CATSPERB: variants seen among roughly 807,000 people sequenced by gnomAD.
CATSPERB encodes catsper channel auxiliary subunit beta.
In CATSPERB, 93 loss-of-function variants were observed where a neutral mutation model predicts 128.3. That is an observed-to-expected ratio of 0.72 (90% CI 0.61 to 0.86). CATSPERB has a LOEUF of 0.86. Ranked by LOEUF, CATSPERB falls within the 40% of genes least tolerant of loss-of-function variation. CATSPERB has a pLI of 0.00. For synonymous variants in CATSPERB, 381 were observed against 448.8 expected, an observed-to-expected ratio of 0.85 and a Z score of 1.91; for missense variants, 1,153 against 1,329.5, an observed-to-expected ratio of 0.87 and a Z score of 2.06.
At chr14:91,712,249 C>T (rs545910403) in intron 5 of CATSPERB, among the ~76,000 whole-genome samples, 41 of 152,204 alleles carry the variant, frequency 2.7e-4, no homozygotes, top group Non-Finnish European at 4.3e-4. Flanking sequence ...ACCAATTTCA[C>T]AACAGGCAAA....
At chr14:91,603,081 T>C (rs1387289443) in intron 22 of CATSPERB, 1 of 786,826 alleles carries the variant, frequency 1.3e-6, no homozygotes, top group Non-Finnish European at 2.4e-6. Flanking sequence ...CCTGCTTTTT[T>C]ACATTTATTT....
chr14:91,720,474 G>A (rs191589812), intron 4 of CATSPERB, among the ~76,000 whole-genome samples: 2 of 150,382 alleles, frequency 1.3e-5, no homozygotes, highest in African/African-American at 4.9e-5. Context: ...TATTAAGAAA[G>A]CAATTCCCTT....
chr14:91,671,648 T>C (rs1895090362), intron 13 of CATSPERB, among the ~76,000 whole-genome samples: 1 of 151,952 alleles, frequency 6.6e-6, no homozygotes, highest in African/African-American at 2.4e-5. Flanking sequence ...TTTGCTGTCC[T>C]GAAAACCCAT....
At chr14:91,660,532 T>C (rs942819496) in intron 14 of CATSPERB, among the ~76,000 whole-genome samples, 14 of 152,236 alleles carry the variant, frequency 9.2e-5, no homozygotes, top group African/African-American at 3.4e-4. Context: ...TTAGTTTCTC[T>C]GTTTCCTCAT....
chr14:91,716,119 T>G (rs960374727), intron 5 of CATSPERB, among the ~76,000 whole-genome samples: 1 of 152,136 alleles, frequency 6.6e-6, no homozygotes, highest in Non-Finnish European at 1.5e-5. Flanking sequence ...GAGATACTCT[T>G]AAGAGATGAA....
chr14:91,602,718 C>T (rs1351318669), intron 22 of CATSPERB, among the ~76,000 whole-genome samples: 1 of 152,132 alleles, frequency 6.6e-6, no homozygotes, highest in Non-Finnish European at 1.5e-5. Context: ...TCCAAATGTT[C>T]AGAAGCTGCA....
Position 91,729,440 on chromosome 14 carries a change from T to C in CATSPERB, c.40A>G (p.Asn14Asp). 1 of 1,535,366 alleles carries C rather than the reference T, an allele frequency of 6.5e-7. No homozygotes were observed. The highest frequency in any genetic ancestry group is 9.0e-7 in the Non-Finnish European group (1 of 1,116,882). The change falls in exon 2 of 27, where the codon AAC (asparagine) becomes GAC (aspartate). Residue 14 changes from asparagine (N) to aspartate (D), a missense_variant. Physicochemically the swap from Asn to Asp is conservative, Grantham distance 23 (BLOSUM62 1). Transcript: ENST00000256343. Reference protein sequence around the residue: ...PLIYVSVLLLNIFEFSSGIVY... With the variant: ...PLIYVSVLLLDIFEFSSGIVY... ...ATTCCTGATGAAAATTCAAATATGTTCAAAAGCAAAACTGAAACATATATA... is the reference window on the plus strand; with the variant it reads ...ATTCCTGATGAAAATTCAAATATGTCCAAAAGCAAAACTGAAACATATATA...
At chr14:91,703,430 T>C (rs572384838) in intron 7 of CATSPERB, among the ~76,000 whole-genome samples, 19 of 152,254 alleles carry the variant, frequency 1.2e-4, no homozygotes, top group Non-Finnish European at 2.4e-4. Context: ...CCTTGGAATT[T>C]CCTGGGTGAT....
chr14:91,608,012 C>T (rs78553047), intron 22 of CATSPERB, among the ~76,000 whole-genome samples: 12 of 152,282 alleles, frequency 7.9e-5, no homozygotes, highest in Non-Finnish European at 1.6e-4. Flanking sequence ...CTGGGGGCTC[C>T]TTTCATTCGA....
intron 14 of CATSPERB, among the ~76,000 whole-genome samples, chr14:91,666,283 G>C (rs1487272232): frequency 2.0e-5 from 3 of 152,176 alleles, no homozygotes; most frequent in African/African-American, 7.2e-5. Flanking sequence ...ACGGCTGCGG[G>C]GGTTCCTTGG....
intron 6 of CATSPERB, among the ~76,000 whole-genome samples, chr14:91,705,394 G>A (rs1895718218): frequency 6.6e-6 from 1 of 152,190 alleles, no homozygotes; most frequent in Admixed American, 6.5e-5. Flanking sequence ...TATCATTAGG[G>A]GCCAAGAGAC....
chr14:91,716,721 A>T (rs1310447877), intron 5 of CATSPERB, among the ~76,000 whole-genome samples: 1 of 151,424 alleles, frequency 6.6e-6, no homozygotes, highest in African/African-American at 2.4e-5. Context: ...ATACACACAC[A>T]CACACACACA....
At chr14:91,633,244 C>T (rs893911633) in intron 17 of CATSPERB, among the ~76,000 whole-genome samples, 3 of 152,074 alleles carry the variant, frequency 2.0e-5, no homozygotes, top group Admixed American at 6.6e-5. Context: ...AATTCTCAGG[C>T]CCAGCCAAAA....
chr14:91,581,860 GAGA>G (rs985477678), intron 26 of CATSPERB, among the ~76,000 whole-genome samples: 11 of 152,140 alleles, frequency 7.2e-5, no homozygotes, highest in Admixed American at 1.3e-4. Context: ...TCTTTTGTGG[GAGA>G]AGAACGTGCT....
At chr14:91,619,545 C>T (rs1489195871) in intron 19 of CATSPERB, among the ~76,000 whole-genome samples, 1 of 27,140 alleles carries the variant, frequency 3.7e-5, no homozygotes, top group Non-Finnish European at 1.4e-4. Context: ...TCAAATAAGC[C>T]TTTTTTTTAA....
chr14:91,651,894 C>T (rs979643110), intron 15 of CATSPERB, among the ~76,000 whole-genome samples: 2 of 151,916 alleles, frequency 1.3e-5, no homozygotes, highest in South Asian at 4.2e-4. Flanking sequence ...CTCTGGTAGT[C>T]ATACAGGGAA....
intron 4 of CATSPERB, among the ~76,000 whole-genome samples, chr14:91,722,462 C>A (rs1275933124): frequency 3.9e-5 from 6 of 151,952 alleles, no homozygotes. Flanking sequence ...TCTATAGAAA[C>A]AGAAAGATTA....
intron 20 of CATSPERB, 111 bp from the exon 21 acceptor site, chr14:91,610,788 G>T: frequency 2.9e-6 from 3 of 1,022,194 alleles, no homozygotes; most frequent in Non-Finnish European, 4.3e-6. Flanking sequence ...TCAAAATGTG[G>T]CTGTATTTGG....
At chr14:91,632,244 A>G (rs1894292485) in intron 17 of CATSPERB, among the ~76,000 whole-genome samples, 1 of 152,186 alleles carries the variant, frequency 6.6e-6, no homozygotes, top group African/African-American at 2.4e-5. Context: ...AAAGGATTGA[A>G]ATAGTATACC....
Sources: gnomAD v4.1 joint callset for allele counts (sites outside exome capture counted in the v4.1 genomes callset) on GRCh38, gnomAD v4.1.1 for gene constraint, MANE v1.5 for transcripts, NCBI Gene and HGNC (gene_info 2026-07-23, HGNC 2026-07-21) for gene names.